ACAD11: variants seen among roughly 807,000 people sequenced by gnomAD.
ACAD11 encodes acyl-CoA dehydrogenase family member 11.
Under a neutral mutation model 102.2 loss-of-function variants are expected in ACAD11, and 83 were observed. The observed-to-expected ratio is 0.81, with a 90% CI of 0.68 to 0.97. The LOEUF is 0.97. Ranked by LOEUF, ACAD11 falls within the 50% of genes least tolerant of loss-of-function variation. The pLI, the probability that ACAD11 is intolerant of heterozygous loss-of-function variation, is 0.00. For missense variants in ACAD11, 901 were observed against 951.7 expected, an observed-to-expected ratio of 0.95 and a Z score of 0.70; for synonymous variants, 324 against 319.8, an observed-to-expected ratio of 1.01 and a Z score of -0.14.
chr3:132,626,654 C>T (rs1431831909), intron 9 of ACAD11, 37 bp downstream of exon 9: 6 of 1,609,042 alleles, frequency 3.7e-6, no homozygotes, highest in Non-Finnish European at 2.5e-6. Context: ...ATTGATAGTC[C>T]TTTAGCAGAA....
chr3:132,655,446 C>T (rs564625224), intron 1 of ACAD11, among the ~76,000 whole-genome samples: 25 of 152,294 alleles, frequency 1.6e-4, no homozygotes, highest in Admixed American at 1.2e-3. Flanking sequence ...GTTGCCCTTG[C>T]TTACACTACT....
At chr3:132,610,811 C>A (rs1939100992) in intron 11 of ACAD11, among the ~76,000 whole-genome samples, 1 of 152,122 alleles carries the variant, frequency 6.6e-6, no homozygotes, top group Non-Finnish European at 1.5e-5. Flanking sequence ...GGAGCTGGTA[C>A]CATTCCTTCT....
intron 11 of ACAD11, among the ~76,000 whole-genome samples, chr3:132,605,971 T>C (rs1281818760): frequency 1.3e-5 from 2 of 152,216 alleles, no homozygotes; most frequent in East Asian, 3.9e-4. Flanking sequence ...GTATTGTTTA[T>C]AGTACATGAT....
intron 13 of ACAD11, among the ~76,000 whole-genome samples, chr3:132,602,510 A>G (rs1313795854): frequency 6.6e-6 from 1 of 152,204 alleles, no homozygotes; most frequent in African/African-American, 2.4e-5. Context: ...TAATAAAAAT[A>G]TGTACCACAA....
chr3:132,564,712 G>T (rs1037401691), intron 17 of ACAD11, among the ~76,000 whole-genome samples: 5 of 152,158 alleles, frequency 3.3e-5, no homozygotes, highest in African/African-American at 1.2e-4. Flanking sequence ...AAATAAGTAT[G>T]TCTGATATCC....
chr3:132,582,374 T>C (rs2107797720), intron 13 of ACAD11, among the ~76,000 whole-genome samples: 1 of 151,734 alleles, frequency 6.6e-6, no homozygotes, highest in Non-Finnish European at 1.5e-5. Flanking sequence ...GGGCATGATG[T>C]TTGGATGTGG....
intron 9 of ACAD11, among the ~76,000 whole-genome samples, chr3:132,622,157 T>C (rs879882634): frequency 2.0e-5 from 3 of 152,204 alleles, no homozygotes; most frequent in Non-Finnish European, 4.4e-5. Context: ...GTCAAAACTC[T>C]TAACCCATAT....
intron 1 of ACAD11, among the ~76,000 whole-genome samples, chr3:132,654,990 G>A (rs1260678833): frequency 1.3e-5 from 2 of 152,100 alleles, no homozygotes; most frequent in Non-Finnish European, 1.5e-5. Context: ...ACTGAATACT[G>A]CAGGCAATTA....
intron 4 of ACAD11, among the ~76,000 whole-genome samples, chr3:132,641,473 G>A (rs1307068905): frequency 1.3e-5 from 2 of 151,964 alleles, no homozygotes; most frequent in African/African-American, 2.4e-5. Flanking sequence ...GAACCTGGGA[G>A]GTGGAGCTTG....
At chr3:132,567,441 G>C (rs1456203426) in intron 17 of ACAD11, among the ~76,000 whole-genome samples, 1 of 151,850 alleles carries the variant, frequency 6.6e-6, no homozygotes, top group Non-Finnish European at 1.5e-5. Flanking sequence ...ATAATACCTA[G>C]AACAACCACC....
At chr3:132,652,102 A>G (rs1250491722) in intron 1 of ACAD11, among the ~76,000 whole-genome samples, 1 of 152,152 alleles carries the variant, frequency 6.6e-6, no homozygotes, top group East Asian at 1.9e-4. Flanking sequence ...CTTGAATTGT[A>G]GCTCCCATAA....
At chr3:132,609,640 T>G (rs1300069161) in intron 11 of ACAD11, among the ~76,000 whole-genome samples, 1 of 152,136 alleles carries the variant, frequency 6.6e-6, no homozygotes, top group African/African-American at 2.4e-5. Context: ...CAGTAATTAA[T>G]AGCCCACCAA....
intron 1 of ACAD11, among the ~76,000 whole-genome samples, chr3:132,658,911 A>G (rs1428078124): frequency 6.6e-6 from 1 of 152,222 alleles, no homozygotes; most frequent in Admixed American, 6.5e-5. Flanking sequence ...TTTATGTAAC[A>G]TATTTAAACT....
At chr3:132,641,084 T>A (rs1207923348) in intron 4 of ACAD11, among the ~76,000 whole-genome samples, 4 of 152,174 alleles carry the variant, frequency 2.6e-5, no homozygotes, top group Non-Finnish European at 4.4e-5. Context: ...TTTTATACCA[T>A]TTTCAGGTTT....
At chr3:132,559,315 T>C (rs928384817) in intron 19 of ACAD11, among the ~76,000 whole-genome samples, 12 of 152,154 alleles carry the variant, frequency 7.9e-5, no homozygotes, top group African/African-American at 2.9e-4. Flanking sequence ...GTTCATCTCA[T>C]TCTTGGTTTG....
At chr3:132,588,222 T>TATGC (rs1553759525) in intron 13 of ACAD11, among the ~76,000 whole-genome samples, 5 of 152,228 alleles carry the variant, frequency 3.3e-5, no homozygotes, top group African/African-American at 1.2e-4. Context: ...TGTATGTATG[T>TATGC]ATGCATGTAG....
intron 1 of ACAD11, 106 bp from the exon 2 acceptor site, chr3:132,645,002 C>T: frequency 3.0e-6 from 2 of 664,038 alleles, no homozygotes; most frequent in Non-Finnish European, 5.0e-6. Context: ...AAATTCATCT[C>T]AATGCTGGAA....
intron 17 of ACAD11, among the ~76,000 whole-genome samples, chr3:132,570,502 T>C (rs1046918495): frequency 1.3e-5 from 2 of 152,182 alleles, no homozygotes; most frequent in South Asian, 4.1e-4. Flanking sequence ...GGTAATCATA[T>C]CTTTTTTATT....
At position 132,618,725 on chromosome 3, in the gene ACAD11, G is replaced by A. The variant is rs146356237; in HGVS notation, c.1323C>T (p.Val441=). ...EGLWNLFLPA[V]SGLSHVDYAL... The stretch of plus-strand genomic sequence containing the variant: ...CATAGTCCACGTGGCTGAGTCCGCT[G>A]ACAGCTGGCAAAAACAAGTTCCAGA... Residue 441 remains valine (V), a synonymous_variant, in exon 11 of 20, where the codon GTC becomes GTT. Coordinates refer to ENST00000264990, the MANE Select transcript of ACAD11 (RefSeq NM_032169.5). 10 of 1,600,542 alleles carry A rather than the reference G, an allele frequency of 6.2e-6. No homozygotes were observed. The highest frequency in any genetic ancestry group is 2.7e-5 in the African/African-American group (2 of 73,974).
Sources: allele counts gnomAD v4.1 joint callset (sites outside exome capture counted in the v4.1 genomes callset), GRCh38; gene constraint gnomAD v4.1.1; transcripts MANE v1.5; gene names NCBI Gene and HGNC (gene_info 2026-07-23, HGNC 2026-07-21).